The following GUCY1A2 variants were observed in gnomAD, a reference collection of about 807,000 sequenced individuals.
GUCY1A2 encodes the protein guanylate cyclase 1 soluble subunit alpha 2.
GUCY1A2 carries 27 observed loss-of-function variants against 63.5 expected under a neutral mutation model. The observed-to-expected ratio is 0.43, with a 90% CI of 0.31 to 0.59. GUCY1A2 has a LOEUF of 0.59. GUCY1A2 is among the 20% of genes least tolerant of loss of function. The probability of loss-of-function intolerance (pLI) is 0.11; values close to 1 mark genes in which losing one functional copy is unlikely to be tolerated. For missense variants in GUCY1A2, 768 were observed against 913.3 expected (o/e 0.84, Z 2.05); for synonymous variants, 364 against 343.5 (o/e 1.06, Z -0.66).
At chr11:106,846,002 A>G (rs1054173678) in intron 4 of GUCY1A2, among the ~76,000 whole-genome samples, 1 of 151,652 alleles carries the variant, frequency 6.6e-6, no homozygotes, top group African/African-American at 2.4e-5. Context: ...AGCTCTTGCC[A>G]AAAACATTTA....
intron 6 of GUCY1A2, among the ~76,000 whole-genome samples, chr11:106,716,247 G>T (rs1235156878): frequency 6.6e-6 from 1 of 152,102 alleles, no homozygotes; most frequent in African/African-American, 2.4e-5. Flanking sequence ...ATAGCACAGG[G>T]TTTCCCAGTG....
At chr11:106,854,960 A>G (rs564601246) in intron 4 of GUCY1A2, among the ~76,000 whole-genome samples, 68 of 152,306 alleles carry the variant, frequency 4.5e-4, no homozygotes, top group Admixed American at 3.0e-3. Flanking sequence ...CCAAGCCACA[A>G]TGCCAGATTT....
chr11:107,017,843 A>AGCG lies in GUCY1A2; in HGVS notation c.210_212dup (p.Ala72dup), dbSNP rs746790749. The AGCG allele has an allele frequency of 7.9e-6, 10 of 1,266,870 alleles. No individual in the cohort carries two copies. The highest frequency in any genetic ancestry group is 3.1e-5 in the African/African-American group (2 of 64,806). The allele number at this position is 1,266,870 out of a possible 1,614,324, so 78.5% of individuals were successfully genotyped here. A position where few individuals can be genotyped will look rare whatever the true frequency, so the allele number is the denominator to read the frequency against. On this transcript the variant is annotated inframe_insertion, in exon 1 of 8. Transcript: ENST00000526355. ...GCACCCTCCTGGCCCCGGCAGTGGC[A>AGCG]GCGGCGGCGGCGGCAGAAGCAGCCG... is the stretch of plus-strand genomic sequence containing the variant.
intron 4 of GUCY1A2, among the ~76,000 whole-genome samples, chr11:106,926,726 C>T (rs1860528418): frequency 1.3e-5 from 2 of 151,708 alleles, no homozygotes; most frequent in South Asian, 2.1e-4. Context: ...ATCGGCAGTG[C>T]CCCGGAGGTC....
At chr11:106,705,945 A>T (rs1862902614) in intron 7 of GUCY1A2, among the ~76,000 whole-genome samples, 1 of 152,178 alleles carries the variant, frequency 6.6e-6, no homozygotes, top group African/African-American at 2.4e-5. Context: ...GAAAATTACA[A>T]AGAAAATGTT....
At chr11:106,979,473 A>AG (rs1555056878) in intron 2 of GUCY1A2, among the ~76,000 whole-genome samples, 2 of 150,118 alleles carry the variant, frequency 1.3e-5, no homozygotes, top group African/African-American at 2.5e-5. Context: ...AAAAAAAAAA[A>AG]AAGAAGAAGA....
chr11:106,957,892 G>GA (rs1285768730), intron 3 of GUCY1A2, among the ~76,000 whole-genome samples: 4 of 103,228 alleles, frequency 3.9e-5, no homozygotes, highest in Middle Eastern at 0.015. Flanking sequence ...TTTTTTTTCA[G>GA]AAAAAAAAGG....
chr11:107,011,892 A>C (rs1418531295), intron 1 of GUCY1A2, among the ~76,000 whole-genome samples: 2 of 152,052 alleles, frequency 1.3e-5, no homozygotes, highest in Admixed American at 6.6e-5. Context: ...GTTGCATCTC[A>C]CTATCAAGGC....
At chr11:106,900,394 C>T (rs150657359) in intron 4 of GUCY1A2, among the ~76,000 whole-genome samples, 13 of 152,164 alleles carry the variant, frequency 8.5e-5, no homozygotes, top group East Asian at 1.9e-4. Context: ...ACTTTGCCCA[C>T]GCTGGTCTCA....
At chr11:107,004,949 A>T (rs1178008319) in intron 1 of GUCY1A2, among the ~76,000 whole-genome samples, 5 of 152,210 alleles carry the variant, frequency 3.3e-5, no homozygotes, top group Non-Finnish European at 7.3e-5. Context: ...GGTTAGAGAC[A>T]TAGGTTCTTG....
chr11:106,954,084 T>C (rs1325095566), intron 3 of GUCY1A2, among the ~76,000 whole-genome samples: 7 of 152,150 alleles, frequency 4.6e-5, no homozygotes, highest in South Asian at 2.1e-4. Context: ...CTTGCCTCTC[T>C]AACTCTTTTA....
chr11:106,770,880 C>T (rs531441202), intron 6 of GUCY1A2, among the ~76,000 whole-genome samples: 41 of 148,460 alleles, frequency 2.8e-4, no homozygotes, highest in Non-Finnish European at 5.1e-4. Flanking sequence ...ATAGCATTTC[C>T]CTGATTTGCA....
chr11:106,704,817 AC>A (rs1862879067), intron 7 of GUCY1A2, among the ~76,000 whole-genome samples: 1 of 151,574 alleles, frequency 6.6e-6, no homozygotes, highest in Admixed American at 6.6e-5. Flanking sequence ...TGATGTTAAG[AC>A]AGTTGTTTAT....
intron 5 of GUCY1A2, among the ~76,000 whole-genome samples, chr11:106,786,473 A>G (rs1420484271): frequency 6.6e-6 from 1 of 152,192 alleles, no homozygotes. Flanking sequence ...TATCACAGAA[A>G]GCTCTCCTCC....
At chr11:106,890,364 A>G (rs1421439394) in intron 4 of GUCY1A2, among the ~76,000 whole-genome samples, 2 of 152,166 alleles carry the variant, frequency 1.3e-5, no homozygotes, top group African/African-American at 2.4e-5. Flanking sequence ...TAATATCAAG[A>G]GGAAAACAGT....
chr11:106,979,454 CAAAAAA>C (rs368315276), intron 2 of GUCY1A2, among the ~76,000 whole-genome samples: 1 of 59,484 alleles, frequency 1.7e-5, no homozygotes, highest in Non-Finnish European at 3.3e-5. Context: ...GACTCCGTCT[CAAAAAA>C]AAAAAAAAAA....
chr11:106,814,881 A>C (rs1858810432), intron 4 of GUCY1A2, among the ~76,000 whole-genome samples: 1 of 152,086 alleles, frequency 6.6e-6, no homozygotes, highest in South Asian at 2.1e-4. Flanking sequence ...ATATAATAGA[A>C]AGTCAACCAT....
intron 5 of GUCY1A2, among the ~76,000 whole-genome samples, chr11:106,781,557 T>C (rs1164202779): frequency 6.6e-6 from 1 of 152,192 alleles, no homozygotes; most frequent in East Asian, 1.9e-4. Flanking sequence ...GAGCTATGCA[T>C]TCACCTTGTT....
intron 1 of GUCY1A2, among the ~76,000 whole-genome samples, chr11:106,994,091 C>T (rs1326187968): frequency 3.9e-5 from 6 of 152,106 alleles, no homozygotes; most frequent in Non-Finnish European, 8.8e-5. Context: ...TTTGCATGAC[C>T]TCATTAGAGC....
Sources: allele counts gnomAD v4.1 joint callset (sites outside exome capture counted in the v4.1 genomes callset), GRCh38; gene constraint gnomAD v4.1.1; transcripts MANE v1.5; gene names NCBI Gene and HGNC (gene_info 2026-07-23, HGNC 2026-07-21).